CDH13: variants seen among roughly 807,000 people sequenced by gnomAD.
CDH13 encodes the protein cadherin 13.
In CDH13, 24 loss-of-function variants were observed where a neutral mutation model predicts 63.8. That is an observed-to-expected ratio of 0.38 (90% CI 0.27 to 0.53). The LOEUF is 0.53. Among genes scored for constraint, CDH13 ranks in the 20% least tolerant of loss-of-function variants. CDH13 has a pLI of 0.85. For missense variants in CDH13, 1,049 were observed against 903.1 expected (o/e 1.16, Z -2.07); for synonymous variants, 503 against 355.3 (o/e 1.42, Z -4.67).
intron 1 of CDH13, among the ~76,000 whole-genome samples, chr16:82,733,938 G>A (rs1033328319): frequency 3.9e-5 from 6 of 152,192 alleles, no homozygotes; most frequent in Non-Finnish European, 2.9e-5. Context: ...TCCCTGCCTT[G>A]ATGGCACTTA....
At chr16:82,795,799 G>A (rs1006669902) in intron 1 of CDH13, among the ~76,000 whole-genome samples, 1 of 152,118 alleles carries the variant, frequency 6.6e-6, no homozygotes, top group Non-Finnish European at 1.5e-5. Flanking sequence ...TTGCCAGTTT[G>A]TCTTGGGTCC....
intron 1 of CDH13, among the ~76,000 whole-genome samples, chr16:82,831,742 T>G (rs2038551450): frequency 6.6e-6 from 1 of 152,222 alleles, no homozygotes; most frequent in African/African-American, 2.4e-5. Flanking sequence ...GATTGTGAAG[T>G]CAATCTTCCT....
Position 83,614,531 on chromosome 16 carries a change from T to C in CDH13, c.1101+11937T>C, listed in dbSNP as rs184218513. Among the ~76,000 whole-genome samples, 349 of 152,318 alleles carry C rather than the reference T, an allele frequency of 2.3e-3. 2 individuals carry two copies. Among genetic ancestry groups the C allele is most frequent in the African/African-American group, 7.9e-3 (330 of 41,566 alleles). On this transcript the variant is annotated intron_variant, in intron 8 of 13. Transcript: ENST00000567109. ...TCAAGGGTAAAAGTTCTATGGAATA[T>C]TGGCCTCGCTTCAGTGAATTTTCCT...
intron 6 of CDH13, among the ~76,000 whole-genome samples, chr16:83,399,388 A>G (rs576752585): frequency 2.6e-5 from 4 of 152,336 alleles, no homozygotes; most frequent in African/African-American, 4.8e-5. Context: ...TCTGTGTACT[A>G]AAGATAGATC....
intron 6 of CDH13, among the ~76,000 whole-genome samples, chr16:83,357,631 G>A (rs1340894230): frequency 6.6e-6 from 1 of 152,150 alleles, no homozygotes; most frequent in African/African-American, 2.4e-5. Context: ...GGTACAACTG[G>A]CATCGAGCGG....
In CDH13 at chr16:83,648,022, C is replaced by G. The variant is rs935061781; in HGVS notation, c.1102-22768C>G. On this transcript the variant is annotated intron_variant, in intron 8 of 13. Coordinates refer to ENST00000567109, the MANE Select transcript of CDH13 (RefSeq NM_001257.5). ...GTTCTTCGCCTAAGGAAACTGGAGTCTAGTGACCACACCTTTTTTTGGTTC... is the reference window on the plus strand; with the variant it reads ...GTTCTTCGCCTAAGGAAACTGGAGTGTAGTGACCACACCTTTTTTTGGTTC... Among the ~76,000 whole-genome samples the G allele has an allele frequency of 5.3e-5, 8 of 152,296 alleles. No homozygotes were observed. The East Asian group carries it at 1.2e-3, about 22-fold the overall frequency.
intron 3 of CDH13, among the ~76,000 whole-genome samples, chr16:83,108,990 C>T (rs574282187): frequency 1.1e-4 from 17 of 152,274 alleles, no homozygotes; most frequent in East Asian, 1.9e-4. Context: ...CATTCTCCTG[C>T]CCACATTTCC....
At chr16:82,695,995 CCTTT>C (rs1486098017) in intron 1 of CDH13, among the ~76,000 whole-genome samples, 6 of 152,164 alleles carry the variant, frequency 3.9e-5, no homozygotes, top group Non-Finnish European at 1.5e-5. Flanking sequence ...CAACACTAAG[CCTTT>C]CTAATGTTTC....
At chr16:83,567,125 C>A (rs1388318448) in intron 7 of CDH13, among the ~76,000 whole-genome samples, 3 of 152,208 alleles carry the variant, frequency 2.0e-5, no homozygotes, top group African/African-American at 7.2e-5. Context: ...GATTCAGCCT[C>A]CCTTCTTCCA....
At chr16:83,741,909 G>A (rs1468174421) in intron 10 of CDH13, among the ~76,000 whole-genome samples, 1 of 152,178 alleles carries the variant, frequency 6.6e-6, no homozygotes, top group Non-Finnish European at 1.5e-5. Context: ...CACTCCTTAT[G>A]AGAATCTAAT....
chr16:83,725,321 A>T (rs1034341977), intron 10 of CDH13, among the ~76,000 whole-genome samples: 2 of 152,272 alleles, frequency 1.3e-5, no homozygotes, highest in Middle Eastern at 3.4e-3. Flanking sequence ...TATCCTGTGG[A>T]TCTAATCTAT....
chr16:83,212,734 G>A lies in CDH13; in HGVS notation c.484-4611G>A, dbSNP rs148471634. Among the ~76,000 whole-genome samples, 7 of 152,304 alleles carry A rather than the reference G, an allele frequency of 4.6e-5. No homozygotes were observed. In the South Asian group the frequency reaches 6.2e-4, roughly 14 times the overall value. ...CAGTGGTCTTCAAACTTGGGTATGC[G>A]TGAGAATCACCTGGGGAGGGGGGAT... On this transcript the variant is annotated intron_variant, in intron 4 of 13. Coordinates refer to ENST00000567109, the MANE Select transcript of CDH13 (RefSeq NM_001257.5).
chr16:83,459,516 CT>C (rs533711037), intron 6 of CDH13, among the ~76,000 whole-genome samples: 36 of 152,136 alleles, frequency 2.4e-4, no homozygotes, highest in Non-Finnish European at 4.3e-4. Context: ...AAACTAAAAA[CT>C]TTTTTATTTG....
chr16:83,197,912 C>T (rs1233186956), intron 4 of CDH13, among the ~76,000 whole-genome samples: 2 of 151,936 alleles, frequency 1.3e-5, no homozygotes, highest in Non-Finnish European at 2.9e-5. Context: ...TTAATTGTGA[C>T]ATTGTACCAC....
intron 5 of CDH13, among the ~76,000 whole-genome samples, chr16:83,261,297 C>G (rs1167434070): frequency 6.6e-6 from 1 of 152,178 alleles, no homozygotes; most frequent in Non-Finnish European, 1.5e-5. Context: ...AAGCTCATTA[C>G]CGATACGTTA....
intron 3 of CDH13, among the ~76,000 whole-genome samples, chr16:83,100,513 A>G (rs2034424000): frequency 1.3e-5 from 2 of 152,192 alleles, no homozygotes; most frequent in Admixed American, 1.3e-4. Context: ...ACAGTCCAAG[A>G]CATATTTCTG....
intron 6 of CDH13, among the ~76,000 whole-genome samples, chr16:83,463,418 G>C (rs986984355): frequency 2.0e-5 from 3 of 152,222 alleles, no homozygotes; most frequent in Admixed American, 6.5e-5. Context: ...CAGGCTGACA[G>C]AGTGGCCACT....
chr16:83,000,868 C>T (rs1346314340), intron 2 of CDH13, among the ~76,000 whole-genome samples: 1 of 152,170 alleles, frequency 6.6e-6, no homozygotes, highest in African/African-American at 2.4e-5. Flanking sequence ...CGTGAGCCAC[C>T]GCGCCTGGCC....
At chr16:83,040,944 C>G (rs1156753007) in intron 3 of CDH13, among the ~76,000 whole-genome samples, 2 of 152,148 alleles carry the variant, frequency 1.3e-5, no homozygotes, top group African/African-American at 4.8e-5. Context: ...ATTTCTGTAA[C>G]CTGTATATAT....
Sources: allele counts gnomAD v4.1 joint callset (sites outside exome capture counted in the v4.1 genomes callset), GRCh38; gene constraint gnomAD v4.1.1; transcripts MANE v1.5; gene names NCBI Gene and HGNC (gene_info 2026-07-23, HGNC 2026-07-21).